The following C6 variants were observed in gnomAD, a reference collection of about 807,000 sequenced individuals.
The protein encoded by C6 is complement component C6.
In C6, 101 loss-of-function variants were observed where a neutral mutation model predicts 112.9. The ratio of observed to expected loss-of-function variants is 0.89; its 90% CI spans 0.76 to 1.06. C6 has a LOEUF of 1.06. C6 is among the 50% of genes least tolerant of loss of function. The pLI, the probability that C6 is intolerant of heterozygous loss-of-function variation, is 0.00. For missense variants in C6, 1,202 were observed against 1,104.6 expected (o/e 1.09, Z -1.25); for synonymous variants, 431 against 384.1 (o/e 1.12, Z -1.43).
At chr5:41,217,305 T>C (rs905020785), upstream of C6, among the ~76,000 whole-genome samples, 2 of 152,168 alleles carry the variant, frequency 1.3e-5, no homozygotes, top group African/African-American at 4.8e-5. Flanking sequence ...TGTGCTTTAT[T>C]ATTGCCCACT....
At position 41,181,411 on chromosome 5, in the gene C6, T is replaced by C; in HGVS notation, c.875A>G (p.Asn292Ser). 6.2e-7 allele frequency: 1 copy of C among 1,613,812 alleles called. No individual in the cohort carries two copies. The highest frequency in any genetic ancestry group is 1.1e-5 in the South Asian group (1 of 91,074). ...PIFYSSKRSE[N>S]INHNSAFKQA... is the part of the protein sequence containing the mutation. ...TTTGAAGGCAGAATTATGGTTGATA[T>C]TTTCACTTCTCTTTGAGGAATAAAA... The change falls in exon 7 of 18, where the codon AAT (asparagine) becomes AGT (serine). Residue 292 changes from asparagine to serine, a missense_variant. Asn to Ser is a conservative substitution (Grantham distance 46, BLOSUM62 1). Coordinates refer to ENST00000337836, the MANE Select transcript of C6 (RefSeq NM_000065.5).
intron 1 of C6, among the ~76,000 whole-genome samples, chr5:41,239,736 A>G (rs931801783): frequency 2.0e-5 from 3 of 152,022 alleles, no homozygotes; most frequent in African/African-American, 4.8e-5. Flanking sequence ...ATAATAGCAG[A>G]TATCTTCCTT....
At chr5:41,209,539 C>T (rs1751722609) in intron 1 of C6, among the ~76,000 whole-genome samples, 1 of 152,172 alleles carries the variant, frequency 6.6e-6, no homozygotes, top group Non-Finnish European at 1.5e-5. Context: ...GATACAAAAT[C>T]AATGTGCAAA....
intron 12 of C6, 41 bp from the exon 13 acceptor site, chr5:41,158,826 T>C: frequency 8.7e-7 from 1 of 1,142,902 alleles, no homozygotes; most frequent in Non-Finnish European, 1.3e-6. Context: ...TGTATGTATG[T>C]ACACACATTT....
chr5:41,204,738 C>T (rs980886645), intron 1 of C6, among the ~76,000 whole-genome samples: 45 of 137,222 alleles, frequency 3.3e-4, no homozygotes, highest in African/African-American at 1.2e-3. Flanking sequence ...GGTGTGATCT[C>T]GGCTCACTGC....
At chr5:41,201,501 G>A (rs1751027460) in intron 3 of C6, 57 bp downstream of exon 3, 2 of 1,509,218 alleles carry the variant, frequency 1.3e-6, no homozygotes, top group Admixed American at 1.7e-5. Flanking sequence ...AGCCTGTCAG[G>A]GAATCAGAGC....
intron 1 of C6, among the ~76,000 whole-genome samples, chr5:41,234,762 C>A (rs1253603098): frequency 6.6e-6 from 1 of 152,010 alleles, no homozygotes; most frequent in East Asian, 1.9e-4. Flanking sequence ...GTTAAATCAG[C>A]TTTATAATCA....
chr5:41,244,092 A>G (rs1250148970), intron 1 of C6, among the ~76,000 whole-genome samples: 1 of 152,202 alleles, frequency 6.6e-6, no homozygotes, highest in Non-Finnish European at 1.5e-5. Context: ...ATAATCTAAT[A>G]TTAAAAGGGA....
intron 8 of C6, 57 bp downstream of exon 8, chr5:41,176,418 A>G: frequency 6.4e-7 from 1 of 1,564,460 alleles, no homozygotes; most frequent in Admixed American, 1.7e-5. Context: ...GAGTAAGAGA[A>G]AAATGTATTG....
chr5:41,261,307 T>C (rs988192636), exon 1 of C6: 16 of 524,082 alleles, frequency 3.1e-5, no homozygotes, highest in South Asian at 8.2e-5. Context: ...AATCTTACTA[T>C]ATGATGAAAT....
chr5:41,260,786 AC>A (rs1450869757), intron 1 of C6, among the ~76,000 whole-genome samples: 3 of 151,728 alleles, frequency 2.0e-5, no homozygotes, highest in Non-Finnish European at 4.4e-5. Flanking sequence ...AAAAAAAAAA[AC>A]AAAACAAAAA....
intron 1 of C6, among the ~76,000 whole-genome samples, chr5:41,218,931 C>T (rs1738995998): frequency 6.6e-6 from 1 of 152,122 alleles, no homozygotes; most frequent in South Asian, 2.1e-4. Flanking sequence ...TTCATAAGGC[C>T]CACCTTTTCC....
intron 17 of C6, among the ~76,000 whole-genome samples, chr5:41,147,441 T>C (rs1005089998): frequency 1.3e-5 from 2 of 152,160 alleles, no homozygotes; most frequent in African/African-American, 4.8e-5. Context: ...GTCCACCCTC[T>C]GTCATGTTTC....
intron 1 of C6, among the ~76,000 whole-genome samples, chr5:41,243,335 A>G (rs1290763480): frequency 6.6e-6 from 1 of 152,212 alleles, no homozygotes; most frequent in Non-Finnish European, 1.5e-5. Context: ...GTTGACACTC[A>G]TATCTCATGA....
intron 1 of C6, among the ~76,000 whole-genome samples, chr5:41,249,416 A>G (rs1170890034): frequency 1.3e-5 from 2 of 152,220 alleles, no homozygotes; most frequent in Non-Finnish European, 2.9e-5. Context: ...ACTGAAAATG[A>G]TAGTAGAACT....
At position 41,195,807 on chromosome 5, in the gene C6, T is replaced by G; in HGVS notation, c.572A>C (p.Gln191Pro). Residue 191 changes from glutamine to proline, a missense_variant, in exon 5 of 18, where the codon CAG (glutamine) becomes CCG (proline). Coordinates refer to ENST00000337836, the MANE Select transcript of C6 (RefSeq NM_000065.5). ...TGTTACATACCCATTGCCCATCAAC[T>G]GTACACTAGGGATGGGATTATACTT... ...TRKYNPIPSV[Q>P]LMGNGFHFLA... The G allele has an allele frequency of 6.2e-7, 1 of 1,613,858 alleles. No homozygotes were observed. Among genetic ancestry groups the G allele is most frequent in the African/African-American group, 1.3e-5 (1 of 75,036 alleles).
chr5:41,155,129 T>C (rs1254226976), intron 13 of C6, 25 bp from the exon 14 acceptor site: 2 of 1,601,106 alleles, frequency 1.2e-6, no homozygotes, highest in Admixed American at 3.3e-5. Context: ...AAACCAGAAA[T>C]TATTAATGCT....
At chr5:41,207,256 C>T (rs1408388376) in intron 1 of C6, among the ~76,000 whole-genome samples, 1 of 152,108 alleles carries the variant, frequency 6.6e-6, no homozygotes, top group Non-Finnish European at 1.5e-5. Context: ...AAAACTGGTA[C>T]CAGCCACTGC....
intron 1 of C6, among the ~76,000 whole-genome samples, chr5:41,236,654 T>A (rs925908921): frequency 7.0e-5 from 9 of 129,450 alleles, no homozygotes; most frequent in African/African-American, 9.1e-5. Flanking sequence ...CCCTAACATC[T>A]CAATTAAAAG....
Sources: allele counts gnomAD v4.1 joint callset (sites outside exome capture counted in the v4.1 genomes callset), GRCh38; gene constraint gnomAD v4.1.1; transcripts MANE v1.5; gene names NCBI Gene and HGNC (gene_info 2026-07-23, HGNC 2026-07-21).